PATJ: variants seen among roughly 807,000 people sequenced by gnomAD.
The protein encoded by PATJ is inaD-like protein.
Under a neutral mutation model 224.9 loss-of-function variants are expected in PATJ, and 190 were observed. The observed-to-expected ratio is 0.84, with a 90% CI of 0.75 to 0.95. PATJ has a LOEUF of 0.95. Ranked by LOEUF, PATJ falls within the 40% of genes least tolerant of loss-of-function variation. The pLI is 0.00. For synonymous variants in PATJ, 769 were observed against 820.3 expected, an observed-to-expected ratio of 0.94 and a Z score of 1.07; for missense variants, 2,121 against 2,270.3, an observed-to-expected ratio of 0.93 and a Z score of 1.34.
intron 30 of PATJ, among the ~76,000 whole-genome samples, chr1:62,042,241 A>G (rs922332418): frequency 1.3e-5 from 2 of 152,338 alleles, no homozygotes; most frequent in African/African-American, 2.4e-5. Flanking sequence ...GTTTCTATTG[A>G]ACCATCACAA....
rs71050167 is a variant in PATJ at position 61,812,433 on chromosome 1, A to AGTGTGTGTGTGTGT, written c.1683+3925_1683+3938dup. ...GAGAGAGAGAGAGAGAGAGAGAGAG[A>AGTGTGTGTGTGTGT]GTGTGTGTGTGTGTGTGTGTGTGTG... On this transcript the variant is annotated intron_variant, in intron 14 of 43. Coordinates refer to ENST00000642238, the MANE Select transcript of PATJ (RefSeq NM_001350145.3). Among the ~76,000 whole-genome samples, 462 of 85,124 alleles carry AGTGTGTGTGTGTGT rather than the reference A, an allele frequency of 5.4e-3. 12 individuals carry two copies. Among genetic ancestry groups the AGTGTGTGTGTGTGT allele is most frequent in the African/African-American group, 0.017 (390 of 22,340 alleles). 55.8% of individuals were successfully genotyped at this position (85,124 alleles called of 152,430 possible).
intron 27 of PATJ, among the ~76,000 whole-genome samples, chr1:61,939,538 T>G (rs974892483): frequency 6.6e-6 from 1 of 151,976 alleles, no homozygotes; most frequent in Non-Finnish European, 1.5e-5. Context: ...GAGTACTTAA[T>G]ATTTTAACAA....
intron 22 of PATJ, among the ~76,000 whole-genome samples, chr1:61,893,579 T>G (rs1433284034): frequency 6.6e-6 from 1 of 151,246 alleles, no homozygotes; most frequent in Admixed American, 6.6e-5. Context: ...GGCAGGAGGA[T>G]TGCTTGAGTC....
chr1:61,977,546 T>A (rs1345334682), intron 27 of PATJ, among the ~76,000 whole-genome samples: 3 of 152,022 alleles, frequency 2.0e-5, no homozygotes, highest in Non-Finnish European at 4.4e-5. Context: ...TTTACAGCAA[T>A]GATATTCCAA....
chr1:62,117,565 C>T lies in PATJ; in HGVS notation c.4890+347C>T, dbSNP rs78452915. ...TGACCCTCATTAGCACAACATTGTT[C>T]TATTCATTCAATTAAATATTGCTAT... On this transcript the variant is annotated intron_variant, in intron 37 of 43. Coordinates refer to ENST00000642238, the MANE Select transcript of PATJ (RefSeq NM_001350145.3). 4.5e-4 allele frequency: 101 copies of T among 225,904 alleles called. 1 individual carries two copies. Among genetic ancestry groups the T allele is most frequent in the African/African-American group, 2.3e-3 (99 of 42,550 alleles). The allele number at this position is 225,904 out of a possible 1,614,324, so 14.0% of individuals were successfully genotyped here. A position where few individuals can be genotyped will look rare whatever the true frequency, so the allele number is the denominator to read the frequency against.
At position 62,034,192 on chromosome 1, in the gene PATJ, C is replaced by T. The variant is rs188161077; in HGVS notation, c.3960-3785C>T. 2.8e-4 allele frequency among the ~76,000 whole-genome samples: 43 copies of T among 152,278 alleles called. 1 individual carries two copies. In the East Asian group the frequency reaches 5.0e-3, roughly 18 times the overall value. ...GCTTGATGGCTCACACCTGTAATCC[C>T]AGCACTTTGGGAGGCCAAGGCGGGC... On this transcript the variant is annotated intron_variant, in intron 29 of 43. Coordinates refer to ENST00000642238, the MANE Select transcript of PATJ (RefSeq NM_001350145.3).
chr1:61,891,970 T>C (rs1444379269), intron 22 of PATJ, among the ~76,000 whole-genome samples: 1 of 152,210 alleles, frequency 6.6e-6, no homozygotes, highest in Admixed American at 6.5e-5. Flanking sequence ...CACATGTACA[T>C]GTAGTCATAC....
chr1:61,858,627 C>T (rs1664078156), intron 18 of PATJ, among the ~76,000 whole-genome samples: 1 of 152,168 alleles, frequency 6.6e-6, no homozygotes, highest in South Asian at 2.1e-4. Context: ...GCGAAGACAG[C>T]ACCAAGCCAT....
At position 61,770,785 on chromosome 1, in the gene PATJ, C is replaced by T. The variant is rs565931748; in HGVS notation, c.525-646C>T. Among the ~76,000 whole-genome samples the T allele has an allele frequency of 4.0e-4, 61 of 151,894 alleles. 1 individual carries two copies. Among genetic ancestry groups the T allele is most frequent in the Middle Eastern group, 3.4e-3 (1 of 294 alleles). ...ATTAGCTGGGTGTGGTAGTCCATACCTGTAGTCTCAGCTACTCGTGAGACT... is the reference window on the plus strand; with the variant it reads ...ATTAGCTGGGTGTGGTAGTCCATACTTGTAGTCTCAGCTACTCGTGAGACT... On this transcript the variant is annotated intron_variant, in intron 5 of 43. Transcript: ENST00000642238.
intron 8 of PATJ, among the ~76,000 whole-genome samples, chr1:61,790,889 GCCCATA>G (rs1008253215): frequency 2.0e-5 from 3 of 152,152 alleles, no homozygotes; most frequent in African/African-American, 7.2e-5. Flanking sequence ...CCTGGGGACA[GCCCATA>G]CCCAGTCTCA....
At chr1:61,812,600 G>A (rs1655104660) in intron 14 of PATJ, among the ~76,000 whole-genome samples, 1 of 151,966 alleles carries the variant, frequency 6.6e-6, no homozygotes, top group Non-Finnish European at 1.5e-5. Context: ...TGTAATCCTA[G>A]CATTTTGGGA....
chr1:61,935,406 T>C (rs112981517), intron 27 of PATJ, among the ~76,000 whole-genome samples: 7 of 152,264 alleles, frequency 4.6e-5, no homozygotes, highest in African/African-American at 1.7e-4. Context: ...TCCACCCTAA[T>C]TTTGTTTTTC....
chr1:61,900,423 C>A lies in PATJ; in HGVS notation c.3203+769C>A, dbSNP rs563028540. Reference sequence around the variant, plus strand: ...CACGGAGGTAGGAAGAAAACAAAACCTTCTGGCCTTAGGAGCAGGTAAAAT... The same window carrying A: ...CACGGAGGTAGGAAGAAAACAAAACATTCTGGCCTTAGGAGCAGGTAAAAT... On this transcript the variant is annotated intron_variant, in intron 23 of 43. Transcript: ENST00000642238. 3.2e-4 allele frequency among the ~76,000 whole-genome samples: 49 copies of A among 152,032 alleles called. 1 individual carries two copies. The South Asian group carries it at 9.8e-3, about 30-fold the overall frequency.
At chr1:61,828,633 C>A (rs777053429) in intron 16 of PATJ, among the ~76,000 whole-genome samples, 3 of 152,106 alleles carry the variant, frequency 2.0e-5, no homozygotes, top group Non-Finnish European at 2.9e-5. Context: ...CTCAAGCAAT[C>A]CTCCCACCTC....
intron 31 of PATJ, among the ~76,000 whole-genome samples, chr1:62,052,153 A>G (rs1653748240): frequency 1.3e-5 from 2 of 152,218 alleles, no homozygotes; most frequent in African/African-American, 4.8e-5. Context: ...CAAAGAATTA[A>G]TCACTTAGGA....
chr1:62,133,492 G>GA (rs764199789), intron 41 of PATJ, among the ~76,000 whole-genome samples: 36 of 152,128 alleles, frequency 2.4e-4, no homozygotes, highest in African/African-American at 8.7e-4. Context: ...TGAGGCAGGA[G>GA]AACAGCTTGA....
chr1:61,762,633 T>C (rs1165628980), intron 1 of PATJ, among the ~76,000 whole-genome samples: 1 of 152,186 alleles, frequency 6.6e-6, no homozygotes, highest in East Asian at 1.9e-4. Flanking sequence ...TGTACAATAA[T>C]AGTTCCAGGC....
At chr1:62,149,464 TTTGAG>T (rs1373214970) in intron 42 of PATJ, among the ~76,000 whole-genome samples, 5 of 152,180 alleles carry the variant, frequency 3.3e-5, no homozygotes, top group African/African-American at 2.4e-5. Context: ...AAATGACATC[TTTGAG>T]TTTATTTTTC....
chr1:61,861,927 T>A (rs1478608939), intron 19 of PATJ, among the ~76,000 whole-genome samples: 1 of 152,168 alleles, frequency 6.6e-6, no homozygotes, highest in Non-Finnish European at 1.5e-5. Context: ...AGTGGTGGGA[T>A]CTGGGATCTC....
Sources: allele counts gnomAD v4.1 joint callset (sites outside exome capture counted in the v4.1 genomes callset), GRCh38; gene constraint gnomAD v4.1.1; transcripts MANE v1.5; gene names NCBI Gene and HGNC (gene_info 2026-07-23, HGNC 2026-07-21).